The following DGKB variants were observed in gnomAD, a reference collection of about 807,000 sequenced individuals.
The protein encoded by DGKB is 90 kDa diacylglycerol kinase.
Under a neutral mutation model 114.3 loss-of-function variants are expected in DGKB, and 67 were observed. The observed-to-expected ratio is 0.59, with a 90% CI of 0.48 to 0.72. The LOEUF (loss-of-function observed/expected upper bound fraction) is 0.72, where lower values mean the gene tolerates loss of function less well. DGKB is among the 30% of genes least tolerant of loss of function. The pLI is 0.00. For missense variants in DGKB, 907 were observed against 975.2 expected, an observed-to-expected ratio of 0.93 and a Z score of 0.93; for synonymous variants, 398 against 323.1, an observed-to-expected ratio of 1.23 and a Z score of -2.49.
chr7:14,300,033 A>C (rs1045339260), intron 23 of DGKB, among the ~76,000 whole-genome samples: 6 of 152,142 alleles, frequency 3.9e-5, no homozygotes, highest in Non-Finnish European at 5.9e-5. Context: ...AACTACTTCC[A>C]GACATACACG....
chr7:14,718,422 A>G, intron 6 of DGKB, 120 bp downstream of exon 6: 1 of 769,314 alleles, frequency 1.3e-6, no homozygotes, highest in South Asian at 3.3e-5. Context: ...ACTATTAAGC[A>G]GGATCACTTT....
At chr7:14,830,419 T>C (rs1846256167) in intron 2 of DGKB, among the ~76,000 whole-genome samples, 1 of 152,036 alleles carries the variant, frequency 6.6e-6, no homozygotes, top group Non-Finnish European at 1.5e-5. Flanking sequence ...TTCTCTAATA[T>C]CCATAGTGAG....
chr7:14,483,539 A>G (rs931667324), intron 20 of DGKB, among the ~76,000 whole-genome samples: 10 of 152,134 alleles, frequency 6.6e-5, no homozygotes, highest in Non-Finnish European at 1.5e-4. Context: ...CACAGACATG[A>G]ATCTTTGGGG....
chr7:14,257,819 C>T (rs891027887), intron 23 of DGKB, among the ~76,000 whole-genome samples: 18 of 152,100 alleles, frequency 1.2e-4, no homozygotes, highest in African/African-American at 3.9e-4. Context: ...CTCCGCCTCC[C>T]GGGTTCAAGC....
At chr7:14,258,488 T>G in intron 23 of DGKB, among the ~76,000 whole-genome samples, 1 of 152,160 alleles carries the variant, frequency 6.6e-6, no homozygotes. Context: ...TAGGGGGAAA[T>G]GCAACAGGAT....
rs144281772 is a variant in DGKB, at chr7:14,928,868, C to T, written c.-188+45828G>A. On this transcript the variant is annotated intron_variant, in intron 1 of 4. Coordinates refer to the DGKB transcript ENST00000437998. ...TGAGTCTCCATTGTCTATTATTCCACACTTGACATCCATCTGTACATATTA... is the reference window on the plus strand; with the variant it reads ...TGAGTCTCCATTGTCTATTATTCCATACTTGACATCCATCTGTACATATTA... Among the ~76,000 whole-genome samples the T allele has an allele frequency of 3.6e-3, 544 of 152,088 alleles. 3 individuals carry two copies. Among genetic ancestry groups the T allele is most frequent in the African/African-American group, 0.013 (523 of 41,518 alleles).
chr7:14,784,933 A>T (rs775340578), intron 2 of DGKB, among the ~76,000 whole-genome samples: 2 of 151,972 alleles, frequency 1.3e-5, no homozygotes, highest in Non-Finnish European at 1.5e-5. Flanking sequence ...CAATATGTCT[A>T]GTCTGCCACA....
In DGKB at chr7:14,697,187, T is replaced by C. The variant is rs76279978; in HGVS notation, c.591+908A>G. The stretch of plus-strand genomic sequence containing the variant: ...ATGTTTATTCAAAATAAGAATTCTA[T>C]ATTCTTAAAAGCATTTTTAGATACT... On this transcript the variant is annotated intron_variant, in intron 8 of 25. Coordinates refer to ENST00000402815, the MANE Select transcript of DGKB (RefSeq NM_001350709.2). 6.9e-3 allele frequency among the ~76,000 whole-genome samples: 1,046 copies of C among 152,294 alleles called. 10 individuals carry two copies. Among genetic ancestry groups the C allele is most frequent in the African/African-American group, 0.023 (969 of 41,542 alleles).
intron 20 of DGKB, among the ~76,000 whole-genome samples, chr7:14,573,754 G>T (rs972178478): frequency 6.8e-6 from 1 of 146,490 alleles, no homozygotes; most frequent in African/African-American, 2.4e-5. Context: ...AATCACTTGA[G>T]AATAGTAGCA....
intron 21 of DGKB, among the ~76,000 whole-genome samples, chr7:14,433,811 T>C (rs1177399670): frequency 6.6e-6 from 1 of 152,154 alleles, no homozygotes; most frequent in East Asian, 1.9e-4. Flanking sequence ...TTTGCATATA[T>C]ACAATGAGAT....
chr7:14,872,806 T>C (rs556506930), intron 1 of DGKB, among the ~76,000 whole-genome samples: 4 of 148,620 alleles, frequency 2.7e-5, no homozygotes, highest in Non-Finnish European at 4.5e-5. Flanking sequence ...TATATGTATA[T>C]AATATAATTT....
At chr7:14,640,535 C>T (rs1218690841) in intron 13 of DGKB, among the ~76,000 whole-genome samples, 1 of 152,238 alleles carries the variant, frequency 6.6e-6, no homozygotes, top group East Asian at 1.9e-4. Flanking sequence ...AGAATTTCAA[C>T]TGATAGATTT....
intron 23 of DGKB, among the ~76,000 whole-genome samples, chr7:14,212,859 C>A (rs906409539): frequency 6.6e-6 from 1 of 151,980 alleles, no homozygotes; most frequent in African/African-American, 2.4e-5. Context: ...TGTCTTGTTC[C>A]TTTTCCAAAT....
intron 3 of DGKB, among the ~76,000 whole-genome samples, chr7:14,756,163 C>T (rs553175491): frequency 4.6e-5 from 7 of 152,080 alleles, no homozygotes; most frequent in African/African-American, 1.4e-4. Flanking sequence ...CAGCAGCTAT[C>T]ATTATGGAGA....
At chr7:14,600,613 A>G (rs560122373) in intron 17 of DGKB, among the ~76,000 whole-genome samples, 1 of 152,308 alleles carries the variant, frequency 6.6e-6, no homozygotes, top group South Asian at 2.1e-4. Flanking sequence ...TCCAAAGTAC[A>G]ATGGTGTACG....
chr7:14,695,561 G>A lies in DGKB; in HGVS notation c.592-1367C>T, dbSNP rs112998387. Among the ~76,000 whole-genome samples the A allele has an allele frequency of 9.7e-3, 1,309 of 134,484 alleles. 17 individuals carry two copies. The highest frequency in any genetic ancestry group is 0.035 in the African/African-American group (1,237 of 35,692). 88.2% of individuals were successfully genotyped at this position (134,484 alleles called of 152,430 possible). A position where few individuals can be genotyped will look rare whatever the true frequency, so the allele number is the denominator to read the frequency against. On this transcript the variant is annotated intron_variant, in intron 8 of 25. Coordinates refer to ENST00000402815, the MANE Select transcript of DGKB (RefSeq NM_001350709.2). ...GTCGCCCAGGCTGGAGTGCTGTGGC[G>A]CAATCTGGGCTCATAGCAAGCTCCG...
At chr7:14,222,799 T>C (rs563738994) in intron 23 of DGKB, among the ~76,000 whole-genome samples, 1 of 151,548 alleles carries the variant, frequency 6.6e-6, no homozygotes, top group Non-Finnish European at 1.5e-5. Flanking sequence ...CTCCTTCCAC[T>C]TCTGTCATTT....
At chr7:14,482,683 A>T (rs1236691632) in intron 20 of DGKB, among the ~76,000 whole-genome samples, 2 of 152,038 alleles carry the variant, frequency 1.3e-5, no homozygotes, top group Non-Finnish European at 2.9e-5. Context: ...TAGGTAAGAG[A>T]TTGTGGTTCT....
chr7:14,619,104 T>A (rs1203592643), intron 15 of DGKB, among the ~76,000 whole-genome samples: 1 of 151,544 alleles, frequency 6.6e-6, no homozygotes, highest in Non-Finnish European at 1.5e-5. Flanking sequence ...TCCTTTCTGC[T>A]GAGGTACAAC....
Sources: gnomAD v4.1 joint callset for allele counts (sites outside exome capture counted in the v4.1 genomes callset) on GRCh38, gnomAD v4.1.1 for gene constraint, MANE v1.5 for transcripts, NCBI Gene and HGNC (gene_info 2026-07-23, HGNC 2026-07-21) for gene names.